Variants in CCSER1 observed in about 807,000 individuals in gnomAD.
The protein encoded by CCSER1 is serine-rich coiled-coil domain-containing protein 1.
CCSER1 carries 41 observed loss-of-function variants against 82.0 expected under a neutral mutation model. The observed-to-expected ratio is 0.50, with a 90% CI of 0.39 to 0.65. The LOEUF (loss-of-function observed/expected upper bound fraction) is 0.65, where lower values mean the gene tolerates loss of function less well. CCSER1 is among the 30% of genes least tolerant of loss of function. The probability of loss-of-function intolerance (pLI) is 0.00; values close to 1 mark genes in which losing one functional copy is unlikely to be tolerated. For missense variants in CCSER1, 1,119 were observed against 1,064.2 expected (o/e 1.05, Z -0.72); for synonymous variants, 414 against 383.9 (o/e 1.08, Z -0.92).
chr4:91,002,257 C>T (rs1738101137), intron 9 of CCSER1, among the ~76,000 whole-genome samples: 1 of 152,160 alleles, frequency 6.6e-6, no homozygotes, highest in South Asian at 2.1e-4. Context: ...TGATGAATTT[C>T]CCAGGTGTTC....
chr4:91,176,230 TGCA>T (rs1028820202), intron 10 of CCSER1, among the ~76,000 whole-genome samples: 36 of 152,346 alleles, frequency 2.4e-4, no homozygotes, highest in African/African-American at 8.4e-4. Flanking sequence ...ACTGTAGTCT[TGCA>T]GTACAGTTTG....
intron 4 of CCSER1, among the ~76,000 whole-genome samples, chr4:90,425,016 C>T (rs896993325): frequency 6.6e-6 from 1 of 152,144 alleles, no homozygotes; most frequent in East Asian, 1.9e-4. Context: ...TTCAGGCCAT[C>T]GTTTTCCTCT....
At position 91,217,269 on chromosome 4, in the gene CCSER1, A is replaced by C. The variant is rs572438043; in HGVS notation, c.2217+131275A>C. Among the ~76,000 whole-genome samples the C allele has an allele frequency of 2.6e-5, 4 of 152,282 alleles. No homozygotes were observed. The South Asian group carries it at 8.3e-4, about 32-fold the overall frequency. On this transcript the variant is annotated intron_variant, in intron 10 of 10. Transcript: ENST00000509176. ...ATGCTGGCTCAGGCAGCCTGCTTTC[A>C]TTCTCTTATCTGGCCCCACCCACAT...
In CCSER1 at chr4:91,408,041, T is replaced by TA. The variant is rs563018199; in HGVS notation, c.2218-190521dup. The stretch of plus-strand genomic sequence containing the variant: ...AGGAGCTGATAGTGCTCCAGGCCAG[T>TA]AAAAAAAAAAGCCCTCAGGCCAAAA... On this transcript the variant is annotated intron_variant, in intron 10 of 10. Coordinates refer to ENST00000509176, the MANE Select transcript of CCSER1 (RefSeq NM_001145065.2). 5.2e-3 allele frequency among the ~76,000 whole-genome samples: 757 copies of TA among 145,836 alleles called. 1 individual carries two copies. Among genetic ancestry groups the TA allele is most frequent in the African/African-American group, 7.5e-3 (300 of 39,766 alleles).
intron 1 of CCSER1, among the ~76,000 whole-genome samples, chr4:90,269,783 G>T (rs925312787): frequency 5.9e-5 from 9 of 151,678 alleles, no homozygotes; most frequent in African/African-American, 2.2e-4. Flanking sequence ...CAAACCTTTA[G>T]CCTGACTAAG....
intron 1 of CCSER1, among the ~76,000 whole-genome samples, chr4:90,273,815 A>T (rs1727044864): frequency 6.6e-6 from 1 of 152,232 alleles, no homozygotes; most frequent in Admixed American, 6.5e-5. Flanking sequence ...CAGGCACTTG[A>T]AAAACATAGA....
intron 10 of CCSER1, among the ~76,000 whole-genome samples, chr4:91,265,976 G>A (rs1406806826): frequency 1.3e-5 from 2 of 152,082 alleles, no homozygotes; most frequent in African/African-American, 4.8e-5. Context: ...GCAGCAAGAG[G>A]GAAAGAGAAA....
At chr4:90,684,429 TAC>T (rs1312474238) in intron 6 of CCSER1, among the ~76,000 whole-genome samples, 1 of 152,196 alleles carries the variant, frequency 6.6e-6, no homozygotes, top group Admixed American at 6.5e-5. Flanking sequence ...TTTTTGTCCT[TAC>T]TGTTTAAGCC....
At chr4:91,503,384 A>G (rs1006022407) in intron 10 of CCSER1, among the ~76,000 whole-genome samples, 1 of 151,894 alleles carries the variant, frequency 6.6e-6, no homozygotes, top group Non-Finnish European at 1.5e-5. Context: ...CATATTTTCA[A>G]TGGCTATATG....
chr4:91,480,416 C>T (rs529589185), intron 10 of CCSER1, among the ~76,000 whole-genome samples: 2 of 152,200 alleles, frequency 1.3e-5, no homozygotes, highest in Non-Finnish European at 2.9e-5. Context: ...TGTTTCCTGA[C>T]ATTTTAATGA....
intron 10 of CCSER1, among the ~76,000 whole-genome samples, chr4:91,524,495 A>G (rs1052227069): frequency 2.0e-5 from 3 of 152,324 alleles, no homozygotes; most frequent in East Asian, 3.9e-4. Context: ...TATTTGTAAC[A>G]TACTTGGAGA....
At chr4:90,948,129 A>AT (rs1401346283) in intron 9 of CCSER1, among the ~76,000 whole-genome samples, 19 of 150,804 alleles carry the variant, frequency 1.3e-4, no homozygotes, top group Admixed American at 8.0e-4. Flanking sequence ...CCTTGGTACT[A>AT]TTTTTTTTTC....
At chr4:90,946,414 C>T (rs1050847734) in intron 9 of CCSER1, among the ~76,000 whole-genome samples, 5 of 152,032 alleles carry the variant, frequency 3.3e-5, no homozygotes, top group East Asian at 3.9e-4. Context: ...GTGTATCACT[C>T]GAGATTAGGA....
At chr4:91,210,219 T>C (rs1000922232) in intron 10 of CCSER1, among the ~76,000 whole-genome samples, 2 of 151,224 alleles carry the variant, frequency 1.3e-5, no homozygotes, top group Non-Finnish European at 3.0e-5. Flanking sequence ...ATATCTTCAA[T>C]GGGTTATAGT....
intron 10 of CCSER1, among the ~76,000 whole-genome samples, chr4:91,461,247 A>T (rs1422475074): frequency 6.6e-6 from 1 of 152,242 alleles, no homozygotes. Flanking sequence ...TTTATTAAGC[A>T]CTTGCCATGT....
chr4:90,769,968 A>G (rs1030293830), intron 7 of CCSER1, among the ~76,000 whole-genome samples: 7 of 152,164 alleles, frequency 4.6e-5, no homozygotes, highest in Admixed American at 6.5e-5. Flanking sequence ...ATTAGCTTCT[A>G]ACAAATATGA....
intron 3 of CCSER1, among the ~76,000 whole-genome samples, chr4:90,351,931 A>G (rs1346374526): frequency 6.6e-6 from 1 of 152,208 alleles, no homozygotes; most frequent in Non-Finnish European, 1.5e-5. Context: ...GTGTTTTTAA[A>G]TAGAAAAACT....
intron 3 of CCSER1, among the ~76,000 whole-genome samples, chr4:90,358,185 A>G (rs1223747746): frequency 6.6e-6 from 1 of 152,112 alleles, no homozygotes; most frequent in African/African-American, 2.4e-5. Flanking sequence ...ATTCACTTCA[A>G]TATGGTGATT....
At chr4:90,442,412 A>C (rs1473200734) in intron 4 of CCSER1, among the ~76,000 whole-genome samples, 1 of 152,192 alleles carries the variant, frequency 6.6e-6, no homozygotes, top group Admixed American at 6.5e-5. Context: ...CTATTGATCA[A>C]GTAAAGCTCA....
Sources: allele counts gnomAD v4.1 joint callset (sites outside exome capture counted in the v4.1 genomes callset), GRCh38; gene constraint gnomAD v4.1.1; transcripts MANE v1.5; gene names NCBI Gene and HGNC (gene_info 2026-07-23, HGNC 2026-07-21).